The following ANK1 variants were observed in gnomAD, a reference collection of about 807,000 sequenced individuals.
ANK1 encodes the protein ankyrin 1.
A neutral mutation model predicts 210.4 loss-of-function variants in ANK1; 51 were observed. That is an observed-to-expected ratio of 0.24 (90% CI 0.19 to 0.31). The LOEUF (loss-of-function observed/expected upper bound fraction) is 0.31, where lower values mean the gene tolerates loss of function less well. Ranked by LOEUF, ANK1 falls within the 10% of genes least tolerant of loss-of-function variation. The pLI is 1.00. For missense variants in ANK1, 2,051 were observed against 2,504.4 expected (o/e 0.82, Z 3.86); for synonymous variants, 967 against 1,025.9 (o/e 0.94, Z 1.10).
intron 5 of ANK1, 21 bp downstream of exon 5, chr8:41,727,229 A>T: frequency 3.7e-6 from 6 of 1,601,526 alleles, no homozygotes; most frequent in Non-Finnish European, 4.3e-6. Context: ...GGTGGTGACG[A>T]CATTTTTCCA....
intron 1 of ANK1, among the ~76,000 whole-genome samples, chr8:41,839,394 C>T (rs972905329): frequency 1.3e-5 from 2 of 152,338 alleles, no homozygotes; most frequent in Non-Finnish European, 2.9e-5. Context: ...ACCCACTCTC[C>T]GCCCACTCAT....
At chr8:41,686,724 A>G (rs532210968) in intron 35 of ANK1, among the ~76,000 whole-genome samples, 2 of 152,264 alleles carry the variant, frequency 1.3e-5, no homozygotes, top group Admixed American at 6.5e-5. Flanking sequence ...CCAAGAACCA[A>G]TGAGAACAGA....
intron 1 of ANK1, among the ~76,000 whole-genome samples, chr8:41,796,604 A>C (rs1848775429): frequency 6.6e-6 from 1 of 151,160 alleles, no homozygotes. Context: ...CACTAAAAAG[A>C]AATTCCCGCT....
chr8:41,714,203 C>A lies in ANK1; in HGVS notation c.1753G>T (p.Val585Phe). The change falls in exon 16 of 43, where the codon GTC becomes TTC. Residue 585 changes from valine to phenylalanine, a missense_variant. Coordinates refer to ENST00000289734, the MANE Select transcript of ANK1 (RefSeq NM_000037.4). ...VAVHHNNLDIVKLLLPRGGSP... is the reference protein window; with the variant it reads ...VAVHHNNLDIFKLLLPRGGSP... ...CCGCCCCGGGGAAGCAGCAGCTTGA[C>A]GATGTCCAGGTTGTTGTGATGGACG... 1 of 1,501,094 alleles carries A rather than the reference C, an allele frequency of 6.7e-7. No homozygotes were observed. Among genetic ancestry groups the A allele is most frequent in the Non-Finnish European group, 9.0e-7 (1 of 1,111,854 alleles). 93.0% of individuals were successfully genotyped at this position (1,501,094 alleles called of 1,614,324 possible).
At chr8:41,810,201 G>A (rs1188086350) in intron 1 of ANK1, among the ~76,000 whole-genome samples, 1 of 152,228 alleles carries the variant, frequency 6.6e-6, no homozygotes, top group Non-Finnish European at 1.5e-5. Flanking sequence ...TCTGCTTTCA[G>A]ATCTGGGCGA....
chr8:41,827,765 CCCCACACACATGCTCACG>C (rs1395760901), intron 1 of ANK1, among the ~76,000 whole-genome samples: 6 of 145,128 alleles, frequency 4.1e-5, no homozygotes, highest in Middle Eastern at 3.5e-3. Flanking sequence ...CACTCACACA[CCCCACACACATGCTCACG>C]CCCACACACA....
chr8:41,667,561 T>C (rs1392799658), intron 39 of ANK1, among the ~76,000 whole-genome samples: 1 of 151,900 alleles, frequency 6.6e-6, no homozygotes, highest in Non-Finnish European at 1.5e-5. Context: ...GAGTAGATCA[T>C]CATGGGGCCT....
chr8:41,773,415 G>C (rs181960891), intron 1 of ANK1, among the ~76,000 whole-genome samples: 2 of 152,274 alleles, frequency 1.3e-5, no homozygotes, highest in East Asian at 3.9e-4. Context: ...GGAGGGAAGG[G>C]GGGAGGCACA....
chr8:41,872,591 G>A (rs934305008), intron 1 of ANK1, among the ~76,000 whole-genome samples: 6 of 152,228 alleles, frequency 3.9e-5, no homozygotes, highest in East Asian at 1.9e-4. Flanking sequence ...CCTTGGAGCC[G>A]TGGGGAGCGC....
At chr8:41,665,401 C>T (rs1810152994) in intron 39 of ANK1, 2 of 704,658 alleles carry the variant, frequency 2.8e-6, no homozygotes, top group Non-Finnish European at 4.1e-6. Flanking sequence ...GTGAAAGTCA[C>T]TGTGTGAGTG....
At chr8:41,889,916 C>A (rs995511633) in intron 1 of ANK1, among the ~76,000 whole-genome samples, 1 of 152,200 alleles carries the variant, frequency 6.6e-6, no homozygotes, top group African/African-American at 2.4e-5. Flanking sequence ...CAATAAAAAT[C>A]CTGTCCAAAT....
chr8:41,865,074 C>T (rs1814113518), intron 1 of ANK1, among the ~76,000 whole-genome samples: 2 of 152,208 alleles, frequency 1.3e-5, no homozygotes, highest in Admixed American at 6.5e-5. Flanking sequence ...GGTCTGCGAG[C>T]ATCCAGTGTG....
At chr8:41,790,249 C>T (rs1300714365) in intron 1 of ANK1, among the ~76,000 whole-genome samples, 14 of 151,680 alleles carry the variant, frequency 9.2e-5, no homozygotes, top group African/African-American at 3.4e-4. Flanking sequence ...TGGGTTCAAG[C>T]GATTCTCCCG....
intron 1 of ANK1, among the ~76,000 whole-genome samples, chr8:41,844,320 G>C (rs1809596378): frequency 6.6e-6 from 1 of 152,178 alleles, no homozygotes; most frequent in Admixed American, 6.5e-5. Context: ...AAGCTATATT[G>C]GAGGTGTTGG....
intron 1 of ANK1, among the ~76,000 whole-genome samples, chr8:41,841,564 AAC>A (rs1808905996): frequency 6.6e-6 from 1 of 152,178 alleles, no homozygotes; most frequent in African/African-American, 2.4e-5. Context: ...CAGACAAACA[AAC>A]AAAAAACAGT....
At chr8:41,690,717 G>A (rs1032883150) in intron 31 of ANK1, 118 bp from the exon 32 acceptor site, 11 of 1,472,860 alleles carry the variant, frequency 7.5e-6, no homozygotes, top group Non-Finnish European at 9.3e-6. Context: ...GAGGCATGCG[G>A]GTGTGTGCTG....
At chr8:41,715,590 G>A (rs776048698) in intron 14 of ANK1, 62 bp downstream of exon 14, 93 of 1,593,076 alleles carry the variant, frequency 5.8e-5, no homozygotes, top group African/African-American at 2.8e-4. Flanking sequence ...ATTCCCCTCC[G>A]AGCTCCAGGC....
At position 41,724,556 on chromosome 8, in the gene ANK1, TG is replaced by T; in HGVS notation, c.613-3del. On this transcript the variant is annotated splice_region_variant and splice_polypyrimidine_tract_variant and intron_variant, in intron 6 of 42. Transcript: ENST00000289734. Reference sequence around the variant, plus strand: ...AATGTGCAGGGGCGTGAATCCCGTCTGGGGCACAACAGAGGGGGAGAAACTT... The same window carrying T: ...AATGTGCAGGGGCGTGAATCCCGTCTGGGCACAACAGAGGGGGAGAAACTT... The T allele has an allele frequency of 6.3e-7, 1 of 1,587,298 alleles. No individual in the cohort carries two copies.
intron 37 of ANK1, among the ~76,000 whole-genome samples, chr8:41,681,022 C>G (rs1377812181): frequency 6.6e-6 from 1 of 152,154 alleles, no homozygotes; most frequent in African/African-American, 2.4e-5. Context: ...TGGTTTGGGG[C>G]AGCATACAGT....
Sources: allele counts gnomAD v4.1 joint callset (sites outside exome capture counted in the v4.1 genomes callset), GRCh38; gene constraint gnomAD v4.1.1; transcripts MANE v1.5; gene names NCBI Gene and HGNC (gene_info 2026-07-23, HGNC 2026-07-21).